SEL1L2: variants seen among roughly 807,000 people sequenced by gnomAD.
SEL1L2 encodes SEL1L2 adaptor subunit of SYVN1 ubiquitin ligase.
In SEL1L2, 89 loss-of-function variants were observed where a neutral mutation model predicts 98.8. The ratio of observed to expected loss-of-function variants is 0.90; its 90% CI spans 0.76 to 1.07. SEL1L2 has a LOEUF of 1.07. Ranked by LOEUF, SEL1L2 falls within the 50% of genes least tolerant of loss-of-function variation. The pLI is 0.00. For missense variants in SEL1L2, 788 were observed against 812.0 expected (o/e 0.97, Z 0.36); for synonymous variants, 262 against 278.5 (o/e 0.94, Z 0.59).
chr20:13,888,555 TTTCC>T, intron 5 of SEL1L2, 43 bp from the exon 6 acceptor site: 2 of 1,100,054 alleles, frequency 1.8e-6, no homozygotes, highest in Non-Finnish European at 2.7e-6. Context: ...AATCAATTTA[TTTCC>T]TAATTATCTA....
At chr20:13,937,576 T>A (rs1312689935) in intron 2 of SEL1L2, among the ~76,000 whole-genome samples, 1 of 152,228 alleles carries the variant, frequency 6.6e-6, no homozygotes, top group South Asian at 2.1e-4. Flanking sequence ...TCCATGTGCC[T>A]AAATTTTCCT....
At chr20:13,924,778 T>C (rs982225533) in intron 3 of SEL1L2, among the ~76,000 whole-genome samples, 3 of 152,162 alleles carry the variant, frequency 2.0e-5, no homozygotes, top group African/African-American at 7.2e-5. Context: ...CTTGTTTTCA[T>C]GCTTTCTTAA....
intron 1 of SEL1L2, among the ~76,000 whole-genome samples, chr20:13,967,043 A>G (rs1312408121): frequency 6.6e-6 from 1 of 151,942 alleles, no homozygotes; most frequent in Non-Finnish European, 1.5e-5. Flanking sequence ...TACCATGCCC[A>G]GCTAATTTTT....
At chr20:13,937,979 A>G (rs2049537286) in intron 2 of SEL1L2, among the ~76,000 whole-genome samples, 1 of 152,198 alleles carries the variant, frequency 6.6e-6, no homozygotes, top group African/African-American at 2.4e-5. Flanking sequence ...ACACTTCCAA[A>G]GTAGGACCCA....
rs569266404 is a variant in SEL1L2 at position 13,937,685 on chromosome 20, C to A, written c.115-5914G>T. ...ATTCTCTAAAGCTGACCTCCTAGTACATCACATATTACATGTTTTATCTAC... is the reference window on the plus strand; with the variant it reads ...ATTCTCTAAAGCTGACCTCCTAGTAAATCACATATTACATGTTTTATCTAC... On this transcript the variant is annotated intron_variant, in intron 2 of 19. Coordinates refer to ENST00000284951, the MANE Select transcript of SEL1L2 (RefSeq NM_025229.2). 6.6e-5 allele frequency among the ~76,000 whole-genome samples: 10 copies of A among 152,318 alleles called. No homozygotes were observed. In the South Asian group the frequency reaches 1.7e-3, roughly 25 times the overall value.
intron 18 of SEL1L2, among the ~76,000 whole-genome samples, chr20:13,858,868 C>T (rs748188426): frequency 2.4e-4 from 36 of 152,258 alleles, no homozygotes; most frequent in Middle Eastern, 6.8e-3. Context: ...CAGCTCTGGT[C>T]TCTTTTCACT....
chr20:13,908,018 C>A (rs1395928969), intron 5 of SEL1L2, among the ~76,000 whole-genome samples: 1 of 148,218 alleles, frequency 6.7e-6, no homozygotes, highest in East Asian at 2.1e-4. Flanking sequence ...AACTCCTGGG[C>A]TCAAGTGATC....
At chr20:13,949,421 T>A (rs1338890912) in intron 2 of SEL1L2, among the ~76,000 whole-genome samples, 1 of 152,110 alleles carries the variant, frequency 6.6e-6, no homozygotes, top group East Asian at 1.9e-4. Context: ...TCCCAGCACC[T>A]TGGGAGGCGG....
chr20:13,875,797 G>C (rs892226765), intron 12 of SEL1L2, among the ~76,000 whole-genome samples: 2 of 152,160 alleles, frequency 1.3e-5, no homozygotes, highest in Admixed American at 1.3e-4. Context: ...CTGAACTTCT[G>C]TCTGGCCTCC....
intron 10 of SEL1L2, among the ~76,000 whole-genome samples, chr20:13,879,527 A>AT (rs1468642675): frequency 5.3e-5 from 8 of 151,922 alleles, no homozygotes; most frequent in African/African-American, 1.9e-4. Context: ...TCATTTTTGT[A>AT]TTTTTAGTAG....
At chr20:13,927,231 A>C (rs1240418398) in intron 3 of SEL1L2, among the ~76,000 whole-genome samples, 1 of 152,246 alleles carries the variant, frequency 6.6e-6, no homozygotes, top group Non-Finnish European at 1.5e-5. Flanking sequence ...ACTATATTGT[A>C]ACACAGCATA....
At chr20:13,860,458 G>A (rs374318969) in intron 17 of SEL1L2, among the ~76,000 whole-genome samples, 4 of 152,108 alleles carry the variant, frequency 2.6e-5, no homozygotes, top group Non-Finnish European at 5.9e-5. Context: ...CTTACCCGAC[G>A]TCTGAGCAGC....
At chr20:13,850,403 T>C in intron 18 of SEL1L2, 84 bp from the exon 19 acceptor site, 1 of 1,466,424 alleles carries the variant, frequency 6.8e-7, no homozygotes, top group East Asian at 2.3e-5. Context: ...CAAATGTAAT[T>C]AAGGTTACAG....
chr20:13,953,645 G>A (rs998093961), intron 2 of SEL1L2, among the ~76,000 whole-genome samples: 8 of 152,130 alleles, frequency 5.3e-5, no homozygotes, highest in Non-Finnish European at 8.8e-5. Context: ...CTCCTATTCC[G>A]GGGTTGGTAA....
intron 11 of SEL1L2, among the ~76,000 whole-genome samples, chr20:13,876,696 G>C (rs1299307237): frequency 6.6e-6 from 1 of 152,146 alleles, no homozygotes; most frequent in East Asian, 1.9e-4. Flanking sequence ...GGCCTGATTG[G>C]GCTGAGACCT....
intron 10 of SEL1L2, 84 bp from the exon 11 acceptor site, chr20:13,877,672 G>A: frequency 1.9e-6 from 2 of 1,049,888 alleles, no homozygotes; most frequent in Non-Finnish European, 2.9e-6. Flanking sequence ...TATTCAATAT[G>A]CATTCAAAAA....
intron 2 of SEL1L2, among the ~76,000 whole-genome samples, chr20:13,936,479 G>T (rs1030975864): frequency 4.6e-5 from 7 of 152,146 alleles, no homozygotes; most frequent in Admixed American, 3.3e-4. Context: ...CACTATTTTA[G>T]AACATAAGAT....
At chr20:13,903,736 G>A (rs1030169936) in intron 5 of SEL1L2, among the ~76,000 whole-genome samples, 3 of 151,876 alleles carry the variant, frequency 2.0e-5, no homozygotes, top group East Asian at 1.9e-4. Flanking sequence ...ACTTGAACCC[G>A]GGGGGGAGAC....
intron 1 of SEL1L2, among the ~76,000 whole-genome samples, chr20:13,987,791 A>G (rs1055830811): frequency 5.9e-5 from 9 of 152,196 alleles, no homozygotes; most frequent in Non-Finnish European, 1.2e-4. Flanking sequence ...CTTTGGGAAA[A>G]TTTCTATCCA....
Sources: allele counts gnomAD v4.1 joint callset (sites outside exome capture counted in the v4.1 genomes callset), GRCh38; gene constraint gnomAD v4.1.1; transcripts MANE v1.5; gene names NCBI Gene and HGNC (gene_info 2026-07-23, HGNC 2026-07-21).